ZNF268: variants seen among roughly 807,000 people sequenced by gnomAD.
ZNF268 encodes zinc finger protein 3.
Under a neutral mutation model 29.3 loss-of-function variants are expected in ZNF268, and 20 were observed. The ratio of observed to expected loss-of-function variants is 0.68; its 90% CI spans 0.48 to 0.99. The LOEUF (loss-of-function observed/expected upper bound fraction) is 0.99, where lower values mean the gene tolerates loss of function less well. Among genes scored for constraint, ZNF268 ranks in the 50% least tolerant of loss-of-function variants. The pLI is 0.00. For missense variants in ZNF268, 1,240 were observed against 1,121.6 expected (o/e 1.11, Z -1.51); for synonymous variants, 429 against 376.9 (o/e 1.14, Z -1.60).
chr12:133,193,455 A>G (rs1328954179), intron 5 of ZNF268: 1 of 693,314 alleles, frequency 1.4e-6, no homozygotes, highest in Non-Finnish European at 2.6e-6. Flanking sequence ...TCCAAAGCCA[A>G]GGTGCTGGCA....
chr12:133,197,362 T>G lies in ZNF268; in HGVS notation c.458-4782T>G, dbSNP rs1436064541. Among the ~76,000 whole-genome samples the G allele has an allele frequency of 2.3e-3, 349 of 151,424 alleles. 1 individual carries two copies. The highest frequency in any genetic ancestry group is 4.0e-3 in the Non-Finnish European group (271 of 67,906). On this transcript the variant is annotated intron_variant, in intron 5 of 5. Transcript: ENST00000536435. ...TTCATCCATGTCCCTACAAAGGACA[T>G]GAACTCATCATTTTTTATGGCTGCA...
In ZNF268 at chr12:133,205,298, A is replaced by C. The variant is rs1956878342; in HGVS notation, c.*768A>C. On this transcript the variant is annotated 3_prime_UTR_variant, in exon 6 of 6. Transcript: ENST00000536435. ...AGGTTTGAGAAAATTCTCAATTATA[A>C]ATAATAAGATACAGATTATTTCATT... 2 of 152,172 alleles carry C rather than the reference A, an allele frequency of 1.3e-5. No homozygotes were observed. The highest frequency in any genetic ancestry group is 2.4e-5 in the African/African-American group (1 of 41,554). 9.4% of individuals were successfully genotyped at this position (152,172 alleles called of 1,614,324 possible). A position where few individuals can be genotyped will look rare whatever the true frequency, so the allele number is the denominator to read the frequency against.
intron 5 of ZNF268, among the ~76,000 whole-genome samples, chr12:133,194,724 C>T (rs1275806123): frequency 6.6e-6 from 1 of 152,176 alleles, no homozygotes; most frequent in Admixed American, 6.5e-5. Flanking sequence ...CTTCACTTCC[C>T]TGACTGAAGC....
chr12:133,206,096 G>A lies in ZNF268; in HGVS notation c.*1566G>A, dbSNP rs1233011186. 6.6e-6 allele frequency: 1 copy of A among 152,184 alleles called. No individual in the cohort carries two copies. The highest frequency in any genetic ancestry group is 1.9e-4 in the East Asian group (1 of 5,200). 9.4% of individuals were successfully genotyped at this position (152,184 alleles called of 1,614,324 possible). A position where few individuals can be genotyped will look rare whatever the true frequency, so the allele number is the denominator to read the frequency against. ...CTTGTTTGATTGCATTAGCCATTGT[G>A]TATCTTTTGCATACAGCTTACTAAA... On this transcript the variant is annotated 3_prime_UTR_variant, in exon 6 of 6. Coordinates refer to ENST00000536435, the MANE Select transcript of ZNF268 (RefSeq NM_003415.3).
chr12:133,209,387 T>C lies in ZNF268; in HGVS notation c.*4857T>C, dbSNP rs36149110. The C allele has an allele frequency of 0.66, 99,718 of 152,126 alleles. 33,115 individuals are homozygous for C. The highest frequency in any genetic ancestry group is 0.91 in the East Asian group (4,736 of 5,188). The allele number at this position is 152,126 out of a possible 1,614,324, so 9.4% of individuals were successfully genotyped here. ...CCTCCCAAAGTGCTAGGATTACAGGTGTGAGCCAAGCACCCAGCCATAAAT... is the reference window on the plus strand; with the variant it reads ...CCTCCCAAAGTGCTAGGATTACAGGCGTGAGCCAAGCACCCAGCCATAAAT... On this transcript the variant is annotated 3_prime_UTR_variant, in exon 6 of 6. Transcript: ENST00000536435.
intron 5 of ZNF268, among the ~76,000 whole-genome samples, chr12:133,194,013 GTGT>G (rs1431436734): frequency 1.3e-5 from 2 of 152,106 alleles, no homozygotes; most frequent in African/African-American, 4.8e-5. Flanking sequence ...TTTTGGTACA[GTGT>G]TGTTAGCATT....
intron 5 of ZNF268, chr12:133,193,591 A>C: frequency 1.7e-6 from 1 of 575,896 alleles, no homozygotes; most frequent in Non-Finnish European, 3.1e-6. Flanking sequence ...CATTCCCTCA[A>C]GCCCTTTTAG....
In ZNF268 at chr12:133,202,794, A is replaced by G; in HGVS notation, c.1108A>G (p.Ser370Gly). 6.2e-7 allele frequency: 1 copy of G among 1,608,996 alleles called. No individual in the cohort carries two copies. Among genetic ancestry groups the G allele is most frequent in the Non-Finnish European group, 8.5e-7 (1 of 1,178,940 alleles). Reference protein sequence around the residue: ...YECCECGKVFSRKDQLVSHQK... With the variant: ...YECCECGKVFGRKDQLVSHQK... ...GTGCTGTGAATGTGGGAAAGTCTTCAGTAGGAAAGACCAGCTTGTTTCACA... is the reference window on the plus strand; with the variant it reads ...GTGCTGTGAATGTGGGAAAGTCTTCGGTAGGAAAGACCAGCTTGTTTCACA... The change falls in exon 6 of 6, where the codon AGT (serine) becomes GGT (glycine). Residue 370 changes from serine (S) to glycine (G), a missense_variant. By Grantham distance (56) the Ser-to-Gly change is moderately conservative (BLOSUM62 0). Around this residue, in one of 3 missense-constraint regions of ZNF268, gnomAD observed 1,177 missense variants for 1,039.6 expected, o/e 1.13. Transcript: ENST00000536435.
chr12:133,203,319 A>G lies in ZNF268; in HGVS notation c.1633A>G (p.Ile545Val), dbSNP rs868533958. ...CTTCAGTTTTAAATCACAGCTCATT[A>G]TACATCAGAGGATTCATACAGGAGA... ...KAFSFKSQLI[I>V]HQRIHTGENP... is the part of the protein sequence containing the mutation. Residue 545 changes from isoleucine (I) to valine (V), a missense_variant, in exon 6 of 6, where the codon ATA (isoleucine) becomes GTA (valine). This residue lies in a region of ZNF268 where 1,177 missense variants were observed against 1,039.6 expected (regional missense o/e 1.13). Transcript: ENST00000536435. 4 of 1,543,998 alleles carry G rather than the reference A, an allele frequency of 2.6e-6. No homozygotes were observed. The highest frequency in any genetic ancestry group is 3.5e-6 in the Non-Finnish European group (4 of 1,149,106).
chr12:133,186,391 T>TG (rs1253532824), intron 2 of ZNF268, among the ~76,000 whole-genome samples: 1 of 151,908 alleles, frequency 6.6e-6, no homozygotes, highest in Non-Finnish European at 1.5e-5. Context: ...AATCTTTTTT[T>TG]TTTTTTTTGG....
chr12:133,198,417 A>G (rs1469026843), intron 5 of ZNF268, among the ~76,000 whole-genome samples: 3 of 151,164 alleles, frequency 2.0e-5, no homozygotes, highest in Non-Finnish European at 4.4e-5. Flanking sequence ...TACCAGTACC[A>G]TGCTTTTTTG....
chr12:133,189,249 C>G (rs1185657052), intron 3 of ZNF268, among the ~76,000 whole-genome samples: 1 of 136,750 alleles, frequency 7.3e-6, no homozygotes, highest in South Asian at 2.3e-4. Context: ...GAGTCTTGCT[C>G]TGTCACTCAG....
In ZNF268 at chr12:133,210,768, GTGATC is replaced by G. The variant is rs779467338; in HGVS notation, c.*6239_*6243del. On this transcript the variant is annotated 3_prime_UTR_variant, in exon 6 of 6. Transcript: ENST00000536435. ...AGTCTTTACTGTGATGCAGCCTCTAGTGATCCCCAGGTCCTGAGTAGAAGGAAGGC... is the reference window on the plus strand; with the variant it reads ...AGTCTTTACTGTGATGCAGCCTCTAGCCCAGGTCCTGAGTAGAAGGAAGGC... 7 of 452,470 alleles carry G rather than the reference GTGATC, an allele frequency of 1.5e-5. No individual in the cohort carries two copies. Among genetic ancestry groups the G allele is most frequent in the South Asian group, 1.1e-4 (7 of 64,474 alleles). 28.0% of individuals were successfully genotyped at this position (452,470 alleles called of 1,614,324 possible).
At position 133,212,122 on chromosome 12, in the gene ZNF268, C is replaced by A. The variant is rs911044683; in HGVS notation, c.*7592C>A. On this transcript the variant is annotated 3_prime_UTR_variant, in exon 6 of 6. Transcript: ENST00000536435. ...AGTGAAAGAGACCAGTGTGAAAAGG[C>A]TGTATGATCCTATTTCTATGATGTT... is the stretch of plus-strand genomic sequence containing the variant. The A allele has an allele frequency of 9.2e-5, 14 of 152,126 alleles. No individual in the cohort carries two copies. The highest frequency in any genetic ancestry group is 3.4e-4 in the African/African-American group (14 of 41,412). 9.4% of individuals were successfully genotyped at this position (152,126 alleles called of 1,614,324 possible).
chr12:133,191,953 G>C lies in ZNF268; in HGVS notation c.407G>C (p.Gly136Ala). 6.2e-7 allele frequency: 1 copy of C among 1,614,140 alleles called. No homozygotes were observed. The highest frequency in any genetic ancestry group is 8.5e-7 in the Non-Finnish European group (1 of 1,180,022). The change falls in exon 5 of 6, where the codon GGA becomes GCA. Residue 136 changes from glycine (G) to alanine (A), a missense_variant. Physicochemically the swap from Gly to Ala is moderately conservative, Grantham distance 60. This residue lies in a region of ZNF268 where 1,177 missense variants were observed against 1,039.6 expected (regional missense o/e 1.13). Coordinates refer to ENST00000536435, the MANE Select transcript of ZNF268 (RefSeq NM_003415.3). ...KPDIIFKLEQ[G>A]EELCMVQAQV... ...GATATCATCTTCAAGTTGGAACAAG[G>C]AGAAGAGCTGTGTATGGTGCAGGCC...
intron 5 of ZNF268, among the ~76,000 whole-genome samples, chr12:133,196,260 T>C (rs534753898): frequency 6.8e-6 from 1 of 146,656 alleles, no homozygotes. Context: ...GGGCGAAGAT[T>C]GTAGTGAGCC....
chr12:133,200,940 G>A (rs1468476736), intron 5 of ZNF268, among the ~76,000 whole-genome samples: 1 of 151,976 alleles, frequency 6.6e-6, no homozygotes, highest in African/African-American at 2.4e-5. Flanking sequence ...CACTCATGAT[G>A]GAGACATGTC....
Position 133,203,276 on chromosome 12 carries a change from C to T in ZNF268, c.1590C>T (p.Cys530=), listed in dbSNP as rs1956801543. Residue 530 remains cysteine, a synonymous_variant, in exon 6 of 6, where the codon TGC becomes TGT. Coordinates refer to ENST00000536435, the MANE Select transcript of ZNF268 (RefSeq NM_003415.3). The part of the protein sequence containing the change: ...RTHTGEKLHE[C]NNCGKAFSFK... ...ATACAGGAGAAAAACTCCATGAATGCAACAATTGTGGGAAAGCCTTCAGTT... is the reference window on the plus strand; with the variant it reads ...ATACAGGAGAAAAACTCCATGAATGTAACAATTGTGGGAAAGCCTTCAGTT... The T allele has an allele frequency of 6.5e-7, 1 of 1,538,868 alleles. No individual in the cohort carries two copies. The highest frequency in any genetic ancestry group is 1.4e-5 in the African/African-American group (1 of 73,052).
In ZNF268 at chr12:133,205,756, G is replaced by A. The variant is rs1031286965; in HGVS notation, c.*1226G>A. On this transcript the variant is annotated 3_prime_UTR_variant, in exon 6 of 6. Transcript: ENST00000536435. ...GCCTGGAATCTATTCTACCTTCACAGGTTAGAACATCTTGATTTCCTCTTA... is the reference window on the plus strand; with the variant it reads ...GCCTGGAATCTATTCTACCTTCACAAGTTAGAACATCTTGATTTCCTCTTA... 1 of 152,154 alleles carries A rather than the reference G, an allele frequency of 6.6e-6. No individual in the cohort carries two copies. Among genetic ancestry groups the A allele is most frequent in the Non-Finnish European group, 1.5e-5 (1 of 68,030 alleles). 9.4% of individuals were successfully genotyped at this position (152,154 alleles called of 1,614,324 possible).
Sources: allele counts gnomAD v4.1 joint callset (sites outside exome capture counted in the v4.1 genomes callset), GRCh38; gene constraint gnomAD v4.1.1; regional missense constraint gnomAD v4.1.1; transcripts MANE v1.5; gene names NCBI Gene and HGNC (gene_info 2026-07-23, HGNC 2026-07-21).